DOCK4: variants seen among roughly 807,000 people sequenced by gnomAD.
DOCK4 encodes the protein dedicator of cytokinesis protein 4.
Under a neutral mutation model 268.1 loss-of-function variants are expected in DOCK4, and 97 were observed. That is an observed-to-expected ratio of 0.36 (90% CI 0.31 to 0.43). The LOEUF (loss-of-function observed/expected upper bound fraction) is 0.43, where lower values mean the gene tolerates loss of function less well. DOCK4 is among the 20% of genes least tolerant of loss of function. The pLI is 1.00. For missense variants in DOCK4, 2,145 were observed against 2,455.7 expected (o/e 0.87, Z 2.67); for synonymous variants, 954 against 887.2 (o/e 1.08, Z -1.34).
intron 1 of DOCK4, among the ~76,000 whole-genome samples, chr7:112,177,766 T>C (rs1358700482): frequency 6.6e-6 from 1 of 151,898 alleles, no homozygotes; most frequent in Non-Finnish European, 1.5e-5. Context: ...AGCCCTTTTA[T>C]AAGGTAAAAA....
chr7:111,961,578 G>T lies in DOCK4; in HGVS notation c.701+15554C>A, dbSNP rs2134985709. ...TGCCTGTAAGGCAAAAATCCTTTAA[G>T]GATTTAAGCATACAAGGTATTTTCT... On this transcript the variant is annotated intron_variant, in intron 8 of 52. Transcript: ENST00000428084. 2.6e-5 allele frequency among the ~76,000 whole-genome samples: 4 copies of T among 152,278 alleles called. No individual in the cohort carries two copies. The East Asian group carries it at 7.7e-4, about 29-fold the overall frequency.
intron 6 of DOCK4, 119 bp from the exon 7 acceptor site, chr7:111,984,509 A>C: frequency 3.9e-6 from 3 of 765,574 alleles, no homozygotes; most frequent in Non-Finnish European, 6.4e-6. Context: ...TGCTTCTCTC[A>C]CCTTGTATGA....
At chr7:111,911,861 G>C (rs900765535) in intron 13 of DOCK4, among the ~76,000 whole-genome samples, 1 of 151,934 alleles carries the variant, frequency 6.6e-6, no homozygotes, top group African/African-American at 2.4e-5. Flanking sequence ...CCAGTGGGAT[G>C]AATTTTTTTT....
At position 111,900,414 on chromosome 7, in the gene DOCK4, G is replaced by C; in HGVS notation, c.1440C>G (p.Phe480Leu). The C allele has an allele frequency of 6.2e-7, 1 of 1,613,540 alleles. No individual in the cohort carries two copies. Among genetic ancestry groups the C allele is most frequent in the Non-Finnish European group, 8.5e-7 (1 of 1,179,742 alleles). Residue 480 changes from phenylalanine to leucine, a missense_variant, in exon 15 of 53, where the codon TTC becomes TTG. This residue lies in a region of DOCK4 where 1,598 missense variants were observed against 1,986.7 expected (regional missense o/e 0.80). Transcript: ENST00000428084. ...ACTCGAAGCGGATGTGTGCACCCCG[G>C]AATTTATCCACAGGAATGGGAAGTT... Reference protein sequence around the residue: ...LLKLPIPVDKFRGAHIRFEFR... With the variant: ...LLKLPIPVDKLRGAHIRFEFR...
chr7:111,811,470 AT>A (rs1286315579), intron 28 of DOCK4, among the ~76,000 whole-genome samples: 3 of 152,138 alleles, frequency 2.0e-5, no homozygotes, highest in Admixed American at 6.5e-5. Flanking sequence ...AACCTTACCA[AT>A]GTTTCATTTT....
rs752192755 is a variant in DOCK4 at position 111,728,430 on chromosome 7, C to T, written c.5772G>A (p.Pro1924=). 71 of 1,586,064 alleles carry T rather than the reference C, an allele frequency of 4.5e-5. No homozygotes were observed. Among genetic ancestry groups the T allele is most frequent in the Non-Finnish European group, 5.8e-5 (68 of 1,164,602 alleles). ...VYERTLRRPV[P]LPHSLSIPVT... Reference sequence around the variant, plus strand: ...CGGGGATGGAGAGGCTGTGAGGTAGCGGGACGGGGCGCCGCAGAGTCCGCT... The same window carrying T: ...CGGGGATGGAGAGGCTGTGAGGTAGTGGGACGGGGCGCCGCAGAGTCCGCT... Residue 1924 remains proline (P), a synonymous_variant, in exon 53 of 53, where the codon CCG becomes CCA. Transcript: ENST00000428084.
intron 1 of DOCK4, among the ~76,000 whole-genome samples, chr7:112,099,276 A>G (rs1044988299): frequency 6.8e-6 from 1 of 147,506 alleles, no homozygotes; most frequent in African/African-American, 2.5e-5. Flanking sequence ...TGGGTGATAG[A>G]GCAAGACCCT....
At chr7:111,801,674 CTTTTCTTTTT>C (rs1326187679) in intron 30 of DOCK4, 1 of 146,860 alleles carries the variant, frequency 6.8e-6, no homozygotes, top group African/African-American at 2.5e-5. Flanking sequence ...CTTTTTATTT[CTTTTCTTTTT>C]TCCTTTTTTT....
chr7:112,186,507 G>A (rs956017881), intron 1 of DOCK4, among the ~76,000 whole-genome samples: 6 of 152,144 alleles, frequency 3.9e-5, no homozygotes, highest in East Asian at 1.9e-4. Context: ...TCATGAGCAC[G>A]GAATGAAATG....
rs115803003 is a variant in DOCK4, at chr7:112,178,465, C to T, written c.37+27637G>A. ...TAACAGCCCCTGCTCCAAAGACTTG[C>T]TTTGTCAAAGACTACACCTTTGTCT... On this transcript the variant is annotated intron_variant, in intron 1 of 52. Transcript: ENST00000428084. Among the ~76,000 whole-genome samples, 766 of 152,282 alleles carry T rather than the reference C, an allele frequency of 5.0e-3. 10 individuals carry two copies. Among genetic ancestry groups the T allele is most frequent in the African/African-American group, 0.017 (712 of 41,568 alleles).
chr7:111,844,832 G>A lies in DOCK4; in HGVS notation c.2667C>T (p.Thr889=). ...GAGGTCGGCTGGTGATCTCCAATAT[G>A]GTCCTCAGCAGAATATCCAGCAAGC... ...VASLLDILLR[T]ILEITSRPQP... Residue 889 remains threonine (T), a synonymous_variant, in exon 25 of 53, where the codon ACC becomes ACT. Coordinates refer to ENST00000428084, the MANE Select transcript of DOCK4 (RefSeq NM_001363540.2). The A allele has an allele frequency of 6.2e-7, 1 of 1,613,558 alleles. No homozygotes were observed. The highest frequency in any genetic ancestry group is 1.1e-5 in the South Asian group (1 of 91,020).
chr7:112,048,501 T>G (rs1805046011), intron 1 of DOCK4, among the ~76,000 whole-genome samples: 1 of 151,088 alleles, frequency 6.6e-6, no homozygotes. Context: ...AGGCAGAGGT[T>G]GCAATAAGCC....
chr7:111,729,172 T>C (rs188183163), intron 52 of DOCK4, among the ~76,000 whole-genome samples: 7 of 152,194 alleles, frequency 4.6e-5, no homozygotes, highest in Non-Finnish European at 1.0e-4. Flanking sequence ...TTGTCCTTTG[T>C]AGCACTGAAA....
chr7:111,882,023 G>A (rs1053177545), intron 16 of DOCK4, among the ~76,000 whole-genome samples: 1 of 152,100 alleles, frequency 6.6e-6, no homozygotes, highest in African/African-American at 2.4e-5. Context: ...ACACAACAGG[G>A]TGACTATAGT....
At chr7:112,109,355 A>G (rs977647857) in intron 1 of DOCK4, among the ~76,000 whole-genome samples, 2 of 152,230 alleles carry the variant, frequency 1.3e-5, no homozygotes, top group African/African-American at 4.8e-5. Context: ...CAGAGGACAT[A>G]GAGCACTGGC....
rs1586243342 is a variant in DOCK4 at position 111,876,957 on chromosome 7, T to C, written c.1744+73A>G. 11 of 1,240,612 alleles carry C rather than the reference T, an allele frequency of 8.9e-6. No homozygotes were observed. In the Middle Eastern group the frequency reaches 9.8e-4, roughly 111 times the overall value. The allele number at this position is 1,240,612 out of a possible 1,614,324, so 76.9% of individuals were successfully genotyped here. A position where few individuals can be genotyped will look rare whatever the true frequency, so the allele number is the denominator to read the frequency against. On this transcript the variant is annotated intron_variant, in intron 17 of 52. Transcript: ENST00000428084. ...AAGTTCTTAACTATCACTTTGGTGT[T>C]TACTGAATATGCTTACCAAAATATA... is the stretch of plus-strand genomic sequence containing the variant.
intron 39 of DOCK4, among the ~76,000 whole-genome samples, chr7:111,760,736 TTTTGTGTGTGTGTGTGTGTG>T (rs1481040959): frequency 8.1e-6 from 1 of 123,090 alleles, no homozygotes; most frequent in Admixed American, 9.1e-5. Context: ...GTTGTCTGCT[TTTTGTGTGTGTGTGTGTGTG>T]TGTGTGTGTG....
At chr7:112,123,439 A>G (rs1812928332) in intron 1 of DOCK4, among the ~76,000 whole-genome samples, 1 of 152,194 alleles carries the variant, frequency 6.6e-6, no homozygotes, top group Non-Finnish European at 1.5e-5. Context: ...TAACATGAAA[A>G]TTCATGGCCT....
intron 12 of DOCK4, among the ~76,000 whole-genome samples, chr7:111,923,759 T>G (rs932262041): frequency 6.6e-6 from 1 of 152,222 alleles, no homozygotes; most frequent in African/African-American, 2.4e-5. Flanking sequence ...GCTGGTCTTT[T>G]CATTCAATCC....
Sources: gnomAD v4.1 joint callset for allele counts (sites outside exome capture counted in the v4.1 genomes callset) on GRCh38, gnomAD v4.1.1 for gene constraint, gnomAD v4.1.1 regional missense constraint, MANE v1.5 for transcripts, NCBI Gene and HGNC (gene_info 2026-07-23, HGNC 2026-07-21) for gene names.